AK5: variants seen among roughly 807,000 people sequenced by gnomAD.
AK5 encodes adenylate kinase isoenzyme 5.
In AK5, 27 loss-of-function variants were observed where a neutral mutation model predicts 69.5. The ratio of observed to expected loss-of-function variants is 0.39; its 90% CI spans 0.29 to 0.54. The LOEUF is 0.54. Ranked by LOEUF, AK5 falls within the 20% of genes least tolerant of loss-of-function variation. AK5 has a pLI of 0.71. For synonymous variants in AK5, 260 were observed against 244.4 expected, an observed-to-expected ratio of 1.06 and a Z score of -0.60; for missense variants, 531 against 700.4, an observed-to-expected ratio of 0.76 and a Z score of 2.73.
chr1:77,446,107 T>C (rs1344590837), intron 8 of AK5, among the ~76,000 whole-genome samples: 1 of 152,226 alleles, frequency 6.6e-6, no homozygotes, highest in Non-Finnish European at 1.5e-5. Flanking sequence ...GAGTTTTGTA[T>C]CTGGTATAAA....
At chr1:77,312,211 C>T (rs1659997412) in intron 5 of AK5, among the ~76,000 whole-genome samples, 1 of 152,080 alleles carries the variant, frequency 6.6e-6, no homozygotes. Context: ...TCTAAATTAG[C>T]ATTGGGTGGT....
chr1:77,423,231 T>TAAAA (rs55772064), intron 8 of AK5, among the ~76,000 whole-genome samples: 6 of 132,294 alleles, frequency 4.5e-5, no homozygotes, highest in Admixed American at 4.1e-4. Context: ...AAAAAAAAAA[T>TAAAA]AAAAAAAAAA....
intron 13 of AK5, 126 bp from the exon 14 acceptor site, chr1:77,558,476 T>C (rs1423300356): frequency 2.1e-6 from 1 of 476,226 alleles, no homozygotes; most frequent in Admixed American, 4.9e-5. Context: ...TCTCTGTGTT[T>C]TGGGGGGGGT....
At chr1:77,477,904 C>T (rs2100711805) in intron 8 of AK5, among the ~76,000 whole-genome samples, 1 of 152,302 alleles carries the variant, frequency 6.6e-6, no homozygotes, top group Middle Eastern at 3.4e-3. Flanking sequence ...TGACCTATTA[C>T]TTCTTTCTCC....
chr1:77,499,898 T>TGG (rs1656606902), intron 10 of AK5, among the ~76,000 whole-genome samples: 2 of 132,806 alleles, frequency 1.5e-5, no homozygotes, highest in African/African-American at 6.3e-5. Context: ...TTTTTTTTTT[T>TGG]TTTGGTTTGC....
chr1:77,322,612 A>G (rs575055841), intron 5 of AK5, among the ~76,000 whole-genome samples: 76 of 152,336 alleles, frequency 5.0e-4, no homozygotes, highest in African/African-American at 1.8e-3. Flanking sequence ...ATTGGTAGCT[A>G]CTGATCTCAT....
intron 6 of AK5, among the ~76,000 whole-genome samples, chr1:77,375,037 CTCA>C (rs1414599710): frequency 6.6e-6 from 1 of 152,100 alleles, no homozygotes; most frequent in Non-Finnish European, 1.5e-5. Context: ...AGCTAAGTGA[CTCA>C]TATTTATTAT....
intron 12 of AK5, among the ~76,000 whole-genome samples, chr1:77,529,740 G>T (rs958346134): frequency 6.6e-6 from 1 of 152,122 alleles, no homozygotes; most frequent in Middle Eastern, 3.4e-3. Context: ...CATATTAACA[G>T]AAGTCATATT....
chr1:77,489,087 C>T (rs980919952), intron 10 of AK5, among the ~76,000 whole-genome samples: 11 of 152,140 alleles, frequency 7.2e-5, no homozygotes, highest in Admixed American at 1.3e-4. Context: ...CTGTGAAATG[C>T]GTTGTCAAAT....
intron 8 of AK5, among the ~76,000 whole-genome samples, chr1:77,460,017 C>G (rs1026879516): frequency 7.2e-5 from 11 of 152,044 alleles, no homozygotes; most frequent in Admixed American, 6.5e-5. Context: ...TCTTAATGAG[C>G]AGAACAATCA....
At chr1:77,423,049 A>G (rs1650930802) in intron 8 of AK5, among the ~76,000 whole-genome samples, 2 of 152,080 alleles carry the variant, frequency 1.3e-5, no homozygotes, top group Admixed American at 6.5e-5. Flanking sequence ...CCTTGTCTCT[A>G]CTAAAAATAC....
intron 6 of AK5, among the ~76,000 whole-genome samples, chr1:77,386,848 G>A (rs761753949): frequency 5.3e-5 from 8 of 151,630 alleles, no homozygotes; most frequent in Admixed American, 2.6e-4. Context: ...CCCTGCCTGC[G>A]CTCACCCTTC....
intron 6 of AK5, among the ~76,000 whole-genome samples, chr1:77,389,191 C>T (rs1648252388): frequency 6.6e-6 from 1 of 152,156 alleles, no homozygotes; most frequent in Admixed American, 6.5e-5. Flanking sequence ...CAGAGAGAGA[C>T]TGTAGAATTA....
intron 1 of AK5, 140 bp from the exon 2 acceptor site, chr1:77,286,801 T>G (rs1206206279): frequency 2.3e-6 from 1 of 434,762 alleles, no homozygotes; most frequent in Admixed American, 4.7e-5. Context: ...GAGCCAAGAT[T>G]GTGCCACTGC....
intron 13 of AK5, among the ~76,000 whole-genome samples, chr1:77,547,461 A>G (rs2100387465): frequency 6.6e-6 from 1 of 152,110 alleles, no homozygotes; most frequent in East Asian, 1.9e-4. Flanking sequence ...TTTAGTAGAG[A>G]CGGGGTTTCG....
intron 9 of AK5, among the ~76,000 whole-genome samples, chr1:77,485,688 ATAGT>A (rs1162138882): frequency 1.3e-5 from 2 of 152,262 alleles, no homozygotes; most frequent in Non-Finnish European, 2.9e-5. Flanking sequence ...CCAAACTGAG[ATAGT>A]TAGGATGATT....
chr1:77,423,302 A>G (rs1380378856), intron 8 of AK5, among the ~76,000 whole-genome samples: 1 of 151,586 alleles, frequency 6.6e-6, no homozygotes, highest in Non-Finnish European at 1.5e-5. Context: ...CAAATGCTGC[A>G]TAAATGTGAG....
intron 5 of AK5, among the ~76,000 whole-genome samples, chr1:77,334,316 C>G (rs1029721499): frequency 3.9e-5 from 6 of 152,096 alleles, no homozygotes; most frequent in Non-Finnish European, 7.3e-5. Flanking sequence ...ATTTAGCTGT[C>G]AGTCTAATTG....
intron 10 of AK5, among the ~76,000 whole-genome samples, chr1:77,503,396 A>T (rs1356413049): frequency 2.0e-5 from 3 of 152,230 alleles, no homozygotes; most frequent in African/African-American, 7.2e-5. Context: ...TAATTGTAAA[A>T]GAGATTCTGT....
Sources: allele counts gnomAD v4.1 joint callset (sites outside exome capture counted in the v4.1 genomes callset), GRCh38; gene constraint gnomAD v4.1.1; transcripts MANE v1.5; gene names NCBI Gene and HGNC (gene_info 2026-07-23, HGNC 2026-07-21).